The following ADARB2 variants were observed in gnomAD, a reference collection of about 807,000 sequenced individuals.
The protein encoded by ADARB2 is adenosine deaminase RNA specific B2 (inactive), also known as inactive double-stranded RNA-specific editase B2.
ADARB2 carries 25 observed loss-of-function variants against 62.2 expected under a neutral mutation model. That is an observed-to-expected ratio of 0.40 (90% CI 0.29 to 0.56). ADARB2 has a LOEUF of 0.56. Ranked by LOEUF, ADARB2 falls within the 20% of genes least tolerant of loss-of-function variation. The probability of loss-of-function intolerance (pLI) is 0.43; values close to 1 mark genes in which losing one functional copy is unlikely to be tolerated. For synonymous variants in ADARB2, 572 were observed against 500.8 expected (o/e 1.14, Z -1.90); for missense variants, 1,071 against 1,077.4 (o/e 0.99, Z 0.08).
intron 1 of ADARB2, among the ~76,000 whole-genome samples, chr10:1,404,007 C>G (rs1289449821): frequency 6.6e-6 from 1 of 152,200 alleles, no homozygotes. Flanking sequence ...CCAGCCACCC[C>G]CCATCCACTC....
chr10:1,549,866 C>T (rs576227122), intron 1 of ADARB2, among the ~76,000 whole-genome samples: 14 of 152,274 alleles, frequency 9.2e-5, no homozygotes, highest in African/African-American at 3.4e-4. Context: ...GCCTCTCACC[C>T]CCTCTCCTGG....
intron 1 of ADARB2, among the ~76,000 whole-genome samples, chr10:1,711,268 T>G (rs1426733251): frequency 6.6e-6 from 1 of 152,212 alleles, no homozygotes; most frequent in African/African-American, 2.4e-5. Context: ...CTCCTATCTG[T>G]GAGAACAAAC....
chr10:1,628,729 C>T (rs868784624), intron 1 of ADARB2, among the ~76,000 whole-genome samples: 21 of 152,214 alleles, frequency 1.4e-4, no homozygotes, highest in African/African-American at 2.9e-4. Context: ...TTCTTTTCAG[C>T]GAACTGGGAG....
chr10:1,627,393 AT>A (rs999716228), intron 1 of ADARB2, among the ~76,000 whole-genome samples: 4 of 151,812 alleles, frequency 2.6e-5, no homozygotes, highest in African/African-American at 7.3e-5. Flanking sequence ...TTCTATCTTA[AT>A]TTTTTTTCTC....
At chr10:1,461,213 G>C (rs1450714284) in intron 1 of ADARB2, among the ~76,000 whole-genome samples, 1 of 152,102 alleles carries the variant, frequency 6.6e-6, no homozygotes, top group African/African-American at 2.4e-5. Context: ...CATGACAAAC[G>C]CCCCAGACCG....
At chr10:1,400,761 GTTC>G (rs1405463501) in intron 1 of ADARB2, among the ~76,000 whole-genome samples, 1 of 152,196 alleles carries the variant, frequency 6.6e-6, no homozygotes, top group African/African-American at 2.4e-5. Flanking sequence ...TTTTCATGCT[GTTC>G]TTCTGCGTTC....
Position 1,608,678 on chromosome 10 carries a change from A to G in ADARB2, c.100+128373T>C, listed in dbSNP as rs138717673. ...GAGGACGAGAAGGAAGAAAAAATGG[A>G]AGGAGGAGGAAAAAGTAAGAAAGAA... On this transcript the variant is annotated intron_variant, in intron 1 of 9. Coordinates refer to ENST00000381312, the MANE Select transcript of ADARB2 (RefSeq NM_018702.4). Among the ~76,000 whole-genome samples the G allele has an allele frequency of 9.2e-3, 1,388 of 150,832 alleles. 10 individuals are homozygous for G. The highest frequency in any genetic ancestry group is 0.014 in the Non-Finnish European group (971 of 67,666).
At chr10:1,409,980 G>T in intron 1 of ADARB2, among the ~76,000 whole-genome samples, 1 of 24,202 alleles carries the variant, frequency 4.1e-5, no homozygotes, top group Non-Finnish European at 1.2e-4. Flanking sequence ...CATAGGGAAG[G>T]ATTCTCAGTG....
intron 1 of ADARB2, among the ~76,000 whole-genome samples, chr10:1,667,052 G>A (rs1454677899): frequency 6.6e-6 from 1 of 152,196 alleles, no homozygotes; most frequent in Non-Finnish European, 1.5e-5. Flanking sequence ...AACGGCAGTT[G>A]ACTTAAGGAA....
At chr10:1,429,062 T>G (rs999448922) in intron 1 of ADARB2, among the ~76,000 whole-genome samples, 1 of 151,974 alleles carries the variant, frequency 6.6e-6, no homozygotes, top group Non-Finnish European at 1.5e-5. Flanking sequence ...CTGAATAAGG[T>G]GGGTGGAGGG....
intron 4 of ADARB2, among the ~76,000 whole-genome samples, chr10:1,250,560 G>C (rs1831028829): frequency 6.6e-6 from 1 of 152,062 alleles, no homozygotes; most frequent in African/African-American, 2.4e-5. Context: ...CTCTTTACAA[G>C]TGTCTGCTTC....
At chr10:1,644,458 A>G (rs887322421) in intron 1 of ADARB2, among the ~76,000 whole-genome samples, 6 of 152,266 alleles carry the variant, frequency 3.9e-5, no homozygotes, top group African/African-American at 1.2e-4. Flanking sequence ...TCGGGGGAGC[A>G]GGGAGAAGGA....
intron 1 of ADARB2, among the ~76,000 whole-genome samples, chr10:1,552,412 G>A (rs2813356): frequency 0.56 from 85,423 of 151,818 alleles, 24,723 homozygotes; most frequent in Non-Finnish European, 0.63. Context: ...AGAAGTGGGA[G>A]GCACAGCCCC....
intron 1 of ADARB2, among the ~76,000 whole-genome samples, chr10:1,657,899 G>GTCTCTGTCTCTCTTTATCTGAT (rs796094210): frequency 1.3e-5 from 2 of 151,622 alleles, no homozygotes; most frequent in African/African-American, 4.8e-5. Flanking sequence ...GTTTCTCCCC[G>GTCTCTGTCTCTCTTTATCTGAT]TCTCTGTCTC....
At chr10:1,564,855 T>C (rs1429819725) in intron 1 of ADARB2, among the ~76,000 whole-genome samples, 3 of 152,050 alleles carry the variant, frequency 2.0e-5, no homozygotes, top group Middle Eastern at 3.2e-3. Context: ...GCCTTTTGCC[T>C]TAACAGCTCT....
intron 1 of ADARB2, among the ~76,000 whole-genome samples, chr10:1,607,177 G>T (rs910093120): frequency 6.6e-6 from 1 of 152,066 alleles, no homozygotes; most frequent in South Asian, 2.1e-4. Flanking sequence ...TTTTCTTCTC[G>T]CAAGTGGCTG....
chr10:1,380,451 G>A (rs933968967), intron 1 of ADARB2, among the ~76,000 whole-genome samples: 7 of 152,238 alleles, frequency 4.6e-5, no homozygotes, highest in South Asian at 2.1e-4. Context: ...GTGCCCCACC[G>A]TGGCACTGTA....
Position 1,206,372 on chromosome 10 carries a change from C to T in ADARB2, c.1683-6225G>A, listed in dbSNP as rs548078520. On this transcript the variant is annotated intron_variant, in intron 7 of 9. Coordinates refer to ENST00000381312, the MANE Select transcript of ADARB2 (RefSeq NM_018702.4). ...GCCTGTGCGTCTGAGAGAACTGGGG[C>T]GTCTCCTTGAACTGGGACGTCTCCT... Among the ~76,000 whole-genome samples the T allele has an allele frequency of 5.3e-5, 8 of 150,546 alleles. No individual in the cohort carries two copies. In the South Asian group the frequency reaches 1.7e-3, roughly 32 times the overall value.
intron 1 of ADARB2, among the ~76,000 whole-genome samples, chr10:1,589,909 T>C (rs934100818): frequency 1.3e-5 from 2 of 152,318 alleles, no homozygotes; most frequent in East Asian, 1.9e-4. Context: ...TGACCTCAGG[T>C]GATGCACCCG....
Sources: gnomAD v4.1 joint callset for allele counts (sites outside exome capture counted in the v4.1 genomes callset) on GRCh38, gnomAD v4.1.1 for gene constraint, MANE v1.5 for transcripts, NCBI Gene and HGNC (gene_info 2026-07-23, HGNC 2026-07-21) for gene names.